FILIP1L: variants seen among roughly 807,000 people sequenced by gnomAD.
FILIP1L encodes the protein filamin A interacting protein 1 like.
FILIP1L carries 55 observed loss-of-function variants against 96.6 expected under a neutral mutation model. That is an observed-to-expected ratio of 0.57 (90% confidence interval 0.46 to 0.71). The LOEUF (loss-of-function observed/expected upper bound fraction) is 0.71, where lower values mean the gene tolerates loss of function less well. Among genes scored for constraint, FILIP1L ranks in the 30% least tolerant of loss-of-function variants. FILIP1L has a pLI of 0.00. For missense variants in FILIP1L, 1,304 were observed against 1,321.2 expected (o/e 0.99, Z 0.20); for synonymous variants, 467 against 473.9 (o/e 0.99, Z 0.19).
At chr3:99,940,772 G>A (rs1029416219) in intron 1 of FILIP1L, among the ~76,000 whole-genome samples, 3 of 152,286 alleles carry the variant, frequency 2.0e-5, no homozygotes, top group Middle Eastern at 3.4e-3. Context: ...AGTGCCTTTT[G>A]GCCTCCTCTT....
chr3:100,013,134 C>A (rs1710211494), intron 1 of FILIP1L, among the ~76,000 whole-genome samples: 1 of 152,118 alleles, frequency 6.6e-6, no homozygotes, highest in African/African-American at 2.4e-5. Context: ...ACCTTGGCCT[C>A]CCAAAGTGCT....
In FILIP1L at chr3:99,849,096, C is replaced by T. The variant is rs1370436202; in HGVS notation, c.2580G>A (p.Lys860=). The T allele has an allele frequency of 6.2e-7, 1 of 1,614,034 alleles. No individual in the cohort carries two copies. The highest frequency in any genetic ancestry group is 8.5e-7 in the Non-Finnish European group (1 of 1,180,020). Residue 860 remains lysine, a synonymous_variant, in exon 5 of 6, where the codon AAG becomes AAA. Transcript: ENST00000477258. ...SQSTPCPVNR[K]LWIPWMKSKE... is the part of the protein sequence containing the mutation. ...TGGATTTCATCCAGGGAATCCATAG[C>T]TTTCTGTTAACAGGACATGGAGTAG...
intron 1 of FILIP1L, among the ~76,000 whole-genome samples, chr3:100,050,568 A>G (rs750402024): frequency 6.6e-6 from 1 of 152,022 alleles, no homozygotes; most frequent in African/African-American, 2.4e-5. Context: ...GTCTCGCTCT[A>G]TTGCCCAGGC....
At chr3:100,113,051 C>T (rs920617727) in intron 1 of FILIP1L, among the ~76,000 whole-genome samples, 3 of 152,178 alleles carry the variant, frequency 2.0e-5, no homozygotes, top group African/African-American at 7.2e-5. Flanking sequence ...CTAATACACA[C>T]GTGGAATATG....
intron 1 of FILIP1L, among the ~76,000 whole-genome samples, chr3:100,064,672 T>G (rs1055068990): frequency 2.0e-5 from 3 of 152,242 alleles, no homozygotes; most frequent in Non-Finnish European, 4.4e-5. Flanking sequence ...GAACTTTTTA[T>G]TTCCACTTGC....
chr3:100,053,174 C>A (rs370221603), intron 1 of FILIP1L, among the ~76,000 whole-genome samples: 1 of 152,254 alleles, frequency 6.6e-6, no homozygotes. Flanking sequence ...CCATAGCAAG[C>A]CTTCTGCCCC....
At position 99,929,871 on chromosome 3, in the gene FILIP1L, C is replaced by T. The variant is rs771024324; in HGVS notation, c.411G>A (p.Glu137=). 16 of 1,612,514 alleles carry T rather than the reference C, an allele frequency of 9.9e-6. No individual in the cohort carries two copies. In the African/African-American group the frequency reaches 2.0e-4, roughly 20 times the overall value. Residue 137 remains glutamate, a synonymous_variant, in exon 3 of 6, where the codon GAG becomes GAA. Coordinates refer to ENST00000477258, the MANE Select transcript of FILIP1L (RefSeq NM_001387850.1). ...TGGTACATACCTCATTCATTGGTTT[C>T]TCATAGATGTCCTCCTGCCAAGGGG... The part of the protein sequence containing the change: ...KSTPWQEDIY[E]KPMNELDKVV...
intron 1 of FILIP1L, among the ~76,000 whole-genome samples, chr3:100,020,583 G>A (rs2064793072): frequency 6.6e-6 from 1 of 152,010 alleles, no homozygotes; most frequent in Non-Finnish European, 1.5e-5. Flanking sequence ...TTTGCCATAA[G>A]CTAAAAGGAA....
chr3:100,076,342 G>A (rs918780351), intron 1 of FILIP1L, among the ~76,000 whole-genome samples: 1 of 152,102 alleles, frequency 6.6e-6, no homozygotes, highest in African/African-American at 2.4e-5. Flanking sequence ...TAAAGCCAAA[G>A]TCCAGGTGCT....
At chr3:100,015,120 GTT>G (rs1710303384) in intron 1 of FILIP1L, among the ~76,000 whole-genome samples, 2 of 151,352 alleles carry the variant, frequency 1.3e-5, no homozygotes, top group African/African-American at 4.9e-5. Context: ...TAGATATCCA[GTT>G]TTCCCTGCAC....
At chr3:100,054,188 A>C (rs2065422010) in intron 1 of FILIP1L, among the ~76,000 whole-genome samples, 1 of 152,224 alleles carries the variant, frequency 6.6e-6, no homozygotes. Flanking sequence ...ACTGTGAAGG[A>C]GGTTCAGAGC....
At chr3:99,959,003 ATTTG>A (rs1036652205) in intron 1 of FILIP1L, among the ~76,000 whole-genome samples, 1 of 152,144 alleles carries the variant, frequency 6.6e-6, no homozygotes, top group Non-Finnish European at 1.5e-5. Context: ...CTTGGTAACT[ATTTG>A]TTCCTTCATT....
intron 1 of FILIP1L, among the ~76,000 whole-genome samples, chr3:100,099,753 GAT>G (rs2066273018): frequency 6.6e-6 from 1 of 152,146 alleles, no homozygotes. Flanking sequence ...CCTCTCATAA[GAT>G]ATGTTCTGTA....
chr3:100,091,638 A>G (rs2066111974), intron 1 of FILIP1L, among the ~76,000 whole-genome samples: 1 of 152,226 alleles, frequency 6.6e-6, no homozygotes, highest in African/African-American at 2.4e-5. Flanking sequence ...AATTTCCCAC[A>G]TAATCTTTTT....
chr3:100,008,674 T>G (rs1281034358), intron 1 of FILIP1L, among the ~76,000 whole-genome samples: 1 of 152,232 alleles, frequency 6.6e-6, no homozygotes, highest in African/African-American at 2.4e-5. Flanking sequence ...ACAGCAACAT[T>G]CAGCATTGTA....
In FILIP1L at chr3:99,963,384, T is replaced by C. The variant is rs148320762; in HGVS notation, c.-10-32354A>G. Among the ~76,000 whole-genome samples, 157 of 152,164 alleles carry C rather than the reference T, an allele frequency of 1.0e-3. 3 individuals carry two copies. The East Asian group carries it at 0.022, about 22-fold the overall frequency. ...CATGATCCGTGGAGCCTGTGCTATATAGGAAAAGAAGTAAAAATAAGAGTG... is the reference window on the plus strand; with the variant it reads ...CATGATCCGTGGAGCCTGTGCTATACAGGAAAAGAAGTAAAAATAAGAGTG... On this transcript the variant is annotated intron_variant, in intron 1 of 5. Coordinates refer to ENST00000477258, the MANE Select transcript of FILIP1L (RefSeq NM_001387850.1).
chr3:100,106,825 T>C (rs953863171), intron 1 of FILIP1L, among the ~76,000 whole-genome samples: 7 of 152,214 alleles, frequency 4.6e-5, no homozygotes, highest in South Asian at 2.1e-4. Flanking sequence ...TTTTCATATG[T>C]CTGGAAAATT....
chr3:99,855,325 G>A (rs919888994), intron 4 of FILIP1L, among the ~76,000 whole-genome samples: 1 of 152,086 alleles, frequency 6.6e-6, no homozygotes, highest in Non-Finnish European at 1.5e-5. Context: ...TGCAAAAAGG[G>A]CGTTAAATGA....
At chr3:99,895,625 A>G (rs1706227203) in intron 4 of FILIP1L, among the ~76,000 whole-genome samples, 1 of 152,154 alleles carries the variant, frequency 6.6e-6, no homozygotes, top group South Asian at 2.1e-4. Flanking sequence ...CGTATACCAA[A>G]AGGGGATAAT....
Sources: allele counts gnomAD v4.1 joint callset (sites outside exome capture counted in the v4.1 genomes callset), GRCh38; gene constraint gnomAD v4.1.1; transcripts MANE v1.5; gene names NCBI Gene and HGNC (gene_info 2026-07-23, HGNC 2026-07-21).